Variants in PCDHA9 observed in about 807,000 individuals in gnomAD.
PCDHA9 encodes protocadherin alpha 9, also known as protocadherin alpha-9.
A neutral mutation model predicts 62.0 loss-of-function variants in PCDHA9; 62 were observed. That is an observed-to-expected ratio of 1.00 (90% CI 0.81 to 1.23). PCDHA9 has a LOEUF of 1.23. Among genes scored for constraint, PCDHA9 ranks in the 50% most tolerant of loss-of-function variants. The pLI is 0.00. For missense variants in PCDHA9, 1,205 were observed against 1,249.8 expected (o/e 0.96, Z 0.54); for synonymous variants, 557 against 567.6 (o/e 0.98, Z 0.27).
intron 3 of PCDHA9, among the ~76,000 whole-genome samples, chr5:140,991,755 C>T (rs2153897425): frequency 6.6e-6 from 1 of 152,268 alleles, no homozygotes; most frequent in South Asian, 2.1e-4. Context: ...TTCTATCATG[C>T]TCTTCAAAAT....
chr5:140,863,019 T>A (rs781817571), intron 1 of PCDHA9: 6 of 554,136 alleles, frequency 1.1e-5, no homozygotes, highest in Admixed American at 5.7e-5. Context: ...GACGCCTGGT[T>A]GTCGCAACAG....
At chr5:140,915,699 C>G (rs1321126272) in intron 1 of PCDHA9, among the ~76,000 whole-genome samples, 1 of 151,944 alleles carries the variant, frequency 6.6e-6, no homozygotes, top group Non-Finnish European at 1.5e-5. Context: ...GTGATGCAAG[C>G]ACTCCTGTGG....
chr5:140,968,465 G>A lies in PCDHA9; in HGVS notation c.2395-10484G>A, dbSNP rs782606184. On this transcript the variant is annotated intron_variant, in intron 1 of 3. Coordinates refer to ENST00000532602, the MANE Select transcript of PCDHA9 (RefSeq NM_031857.2). ...ACTGAGCAGCACTGTGACTGCCAACGTATATGTGGTGGACATGAATGACCA... is the reference window on the plus strand; with the variant it reads ...ACTGAGCAGCACTGTGACTGCCAACATATATGTGGTGGACATGAATGACCA... 78 of 1,614,004 alleles carry A rather than the reference G, an allele frequency of 4.8e-5. No individual in the cohort carries two copies. Among genetic ancestry groups the A allele is most frequent in the Non-Finnish European group, 6.1e-5 (72 of 1,180,028 alleles).
At chr5:140,928,194 A>G in intron 1 of PCDHA9, 2 of 1,614,204 alleles carry the variant, frequency 1.2e-6, no homozygotes, top group East Asian at 2.2e-5. Context: ...TCACTGTGTC[A>G]GTTGCTGATG....
intron 1 of PCDHA9, among the ~76,000 whole-genome samples, chr5:140,957,571 G>C (rs2095367794): frequency 6.6e-6 from 1 of 152,186 alleles, no homozygotes; most frequent in South Asian, 2.1e-4. Context: ...AGGGACTACT[G>C]TACTTTTAAC....
At chr5:140,890,875 T>G (rs189226344) in intron 1 of PCDHA9, among the ~76,000 whole-genome samples, 106 of 152,318 alleles carry the variant, frequency 7.0e-4, no homozygotes, top group Non-Finnish European at 1.3e-3. Flanking sequence ...CCCTCTGACC[T>G]TTCATCAGGG....
chr5:140,877,021 G>A, intron 1 of PCDHA9: 1 of 1,612,514 alleles, frequency 6.2e-7, no homozygotes, highest in Non-Finnish European at 8.5e-7. Context: ...GAGCGGCAAG[G>A]TGTACGCGCT....
chr5:140,969,311 G>A (rs2096317598), intron 1 of PCDHA9: 2 of 1,614,050 alleles, frequency 1.2e-6, no homozygotes, highest in Non-Finnish European at 1.7e-6. Context: ...TCTCAAAAAT[G>A]AGGCTGTTTC....
intron 3 of PCDHA9, among the ~76,000 whole-genome samples, chr5:140,993,956 C>T (rs2097588909): frequency 6.6e-6 from 1 of 152,140 alleles, no homozygotes; most frequent in Admixed American, 6.5e-5. Flanking sequence ...TGATACATGA[C>T]TGTAGTCATC....
chr5:140,949,798 A>G (rs1021470816), intron 1 of PCDHA9, among the ~76,000 whole-genome samples: 1 of 151,786 alleles, frequency 6.6e-6, no homozygotes, highest in South Asian at 2.1e-4. Context: ...GTGTCCTTCA[A>G]TACATTATTT....
intron 3 of PCDHA9, among the ~76,000 whole-genome samples, chr5:141,006,404 G>T (rs1001810745): frequency 6.6e-6 from 1 of 151,938 alleles, no homozygotes; most frequent in Admixed American, 6.6e-5. Flanking sequence ...TAGTAGAGAC[G>T]CGGTTTCACT....
Position 140,868,975 on chromosome 5 carries a change from A to G in PCDHA9, c.2394+18086A>G, listed in dbSNP as rs1379610882. 4.1e-6 allele frequency: 6 copies of G among 1,479,060 alleles called. No individual in the cohort carries two copies. The South Asian group carries it at 7.0e-5, about 17-fold the overall frequency. The allele number at this position is 1,479,060 out of a possible 1,614,324, so 91.6% of individuals were successfully genotyped here. A position where few individuals can be genotyped will look rare whatever the true frequency, so the allele number is the denominator to read the frequency against. The stretch of plus-strand genomic sequence containing the variant: ...CACTCCCATACAAAGGAACTCCATC[A>G]TACCGGATGCCACCGTTTAAGGATC... On this transcript the variant is annotated intron_variant, in intron 1 of 3. Transcript: ENST00000532602.
At position 140,850,957 on chromosome 5, in the gene PCDHA9, CA is replaced by C; in HGVS notation, c.2394+69del. On this transcript the variant is annotated intron_variant, in intron 1 of 3. Transcript: ENST00000532602. ...CTTGAAAGATATTATCGATTACTCCCAGGGGCCGTTCAAATAGTTTTATTCA... is the reference window on the plus strand; with the variant it reads ...CTTGAAAGATATTATCGATTACTCCCGGGGCCGTTCAAATAGTTTTATTCA... The C allele has an allele frequency of 1.1e-5, 17 of 1,481,512 alleles. 4 individuals are homozygous for C. The highest frequency in any genetic ancestry group is 1.5e-5 in the Non-Finnish European group (17 of 1,106,408). The allele number at this position is 1,481,512 out of a possible 1,614,324, so 91.8% of individuals were successfully genotyped here. A position where few individuals can be genotyped will look rare whatever the true frequency, so the allele number is the denominator to read the frequency against.
At chr5:141,002,474 C>T (rs141241701) in intron 3 of PCDHA9, among the ~76,000 whole-genome samples, 65 of 152,334 alleles carry the variant, frequency 4.3e-4, no homozygotes, top group African/African-American at 1.3e-3. Flanking sequence ...TTAGCATTTT[C>T]AAAGGATGAC....
chr5:140,951,659 C>T (rs1293655737), intron 1 of PCDHA9, among the ~76,000 whole-genome samples: 3 of 152,164 alleles, frequency 2.0e-5, no homozygotes, highest in African/African-American at 7.2e-5. Flanking sequence ...CCCACCAGGG[C>T]CTGCCTACAA....
chr5:140,854,123 CT>C (rs1554147020), intron 1 of PCDHA9: 1 of 348,562 alleles, frequency 2.9e-6, no homozygotes, highest in Non-Finnish European at 3.9e-6. Context: ...GATGGCACAA[CT>C]GCATTTCAGC....
intron 1 of PCDHA9, among the ~76,000 whole-genome samples, chr5:140,933,721 C>G (rs957167505): frequency 6.6e-6 from 1 of 151,982 alleles, no homozygotes; most frequent in Non-Finnish European, 1.5e-5. Flanking sequence ...ATTGGTGATA[C>G]AGCTTTCTTA....
intron 1 of PCDHA9, chr5:140,877,261 G>T: frequency 6.2e-7 from 1 of 1,613,814 alleles, no homozygotes; most frequent in South Asian, 1.1e-5. Context: ...AGTGCGCGCG[G>T]TGGACGCTGA....
At chr5:140,956,949 A>G (rs1027198370) in intron 1 of PCDHA9, among the ~76,000 whole-genome samples, 5 of 140,514 alleles carry the variant, frequency 3.6e-5, no homozygotes, top group African/African-American at 1.3e-4. Flanking sequence ...TTTACATTAA[A>G]ACACTGTAAT....
Sources: gnomAD v4.1 joint callset for allele counts (sites outside exome capture counted in the v4.1 genomes callset) on GRCh38, gnomAD v4.1.1 for gene constraint, MANE v1.5 for transcripts, NCBI Gene and HGNC (gene_info 2026-07-23, HGNC 2026-07-21) for gene names.